The following AKAP6 variants were observed in gnomAD, a reference collection of about 807,000 sequenced individuals.
The protein encoded by AKAP6 is A-kinase anchoring protein 6, also known as A-kinase anchor protein 6.
Under a neutral mutation model 188.5 loss-of-function variants are expected in AKAP6, and 58 were observed. The observed-to-expected ratio is 0.31, with a 90% CI of 0.25 to 0.38. The LOEUF (loss-of-function observed/expected upper bound fraction) is 0.38, where lower values mean the gene tolerates loss of function less well. Among genes scored for constraint, AKAP6 ranks in the 10% least tolerant of loss-of-function variants. The pLI is 1.00. For missense variants in AKAP6, 2,710 were observed against 2,740.0 expected (o/e 0.99, Z 0.24); for synonymous variants, 989 against 998.6 (o/e 0.99, Z 0.18).
chr14:32,666,259 A>G (rs1888929575), intron 7 of AKAP6, among the ~76,000 whole-genome samples: 1 of 152,006 alleles, frequency 6.6e-6, no homozygotes, highest in Non-Finnish European at 1.5e-5. Context: ...TATGTTTGTC[A>G]TTTATCAGTG....
Position 32,546,580 on chromosome 14 carries a change from T to G in AKAP6, c.1927T>G (p.Leu643Val). ...CTCTCACCTTAAGCAGACAGAAGTA[T>G]TGGCTTTGAAGTTGGAAAACCTAAC... ...LPSHLKQTEV[L>V]ALKLENLTKL... Residue 643 changes from leucine (L) to valine (V), a missense_variant, in exon 4 of 14, where the codon TTG becomes GTG. By Grantham distance (32) the Leu-to-Val change is conservative. Transcript: ENST00000280979. The G allele has an allele frequency of 6.2e-7, 1 of 1,614,194 alleles. No individual in the cohort carries two copies. The highest frequency in any genetic ancestry group is 8.5e-7 in the Non-Finnish European group (1 of 1,180,026).
At chr14:32,719,639 C>T (rs1358735750) in intron 9 of AKAP6, among the ~76,000 whole-genome samples, 1 of 152,100 alleles carries the variant, frequency 6.6e-6, no homozygotes, top group Non-Finnish European at 1.5e-5. Flanking sequence ...TTGGCAACTG[C>T]TTTGGTTTAA....
intron 2 of AKAP6, among the ~76,000 whole-genome samples, chr14:32,531,430 C>A (rs1594715512): frequency 6.6e-6 from 1 of 152,288 alleles, no homozygotes; most frequent in Admixed American, 6.5e-5. Context: ...AATACGAAGG[C>A]AGTATGTGAT....
At chr14:32,559,171 T>C (rs1476178251) in intron 4 of AKAP6, among the ~76,000 whole-genome samples, 1 of 152,226 alleles carries the variant, frequency 6.6e-6, no homozygotes, top group Non-Finnish European at 1.5e-5. Flanking sequence ...GAGTTTGAAC[T>C]TTATTCTCTA....
intron 12 of AKAP6, among the ~76,000 whole-genome samples, chr14:32,787,879 T>A (rs539762878): frequency 1.4e-4 from 21 of 152,062 alleles, no homozygotes; most frequent in African/African-American, 4.1e-4. Context: ...CTATATGCCC[T>A]CCCTCCTGTT....
chr14:32,340,857 T>C (rs1429352309), intron 1 of AKAP6, among the ~76,000 whole-genome samples: 1 of 152,172 alleles, frequency 6.6e-6, no homozygotes, highest in Admixed American at 6.5e-5. Flanking sequence ...ATAAAGAGTC[T>C]CTCTTGGGCC....
chr14:32,537,028 G>A (rs74415155), intron 3 of AKAP6, among the ~76,000 whole-genome samples: 2,011 of 152,274 alleles, frequency 0.013, 51 homozygotes, highest in African/African-American at 0.046. Context: ...GCCTTATAAT[G>A]AGTGTTGCAT....
intron 11 of AKAP6, among the ~76,000 whole-genome samples, chr14:32,759,173 C>T (rs1009652861): frequency 1.3e-4 from 20 of 152,274 alleles, no homozygotes; most frequent in African/African-American, 4.8e-4. Flanking sequence ...AAGTTATACC[C>T]TCTACATTTA....
intron 5 of AKAP6, among the ~76,000 whole-genome samples, chr14:32,583,443 A>T (rs1482477865): frequency 6.6e-6 from 1 of 152,210 alleles, no homozygotes; most frequent in Non-Finnish European, 1.5e-5. Context: ...GTCAGGGGTC[A>T]GGGACCCATT....
intron 2 of AKAP6, among the ~76,000 whole-genome samples, chr14:32,471,138 G>A (rs997624347): frequency 6.6e-6 from 1 of 152,094 alleles, no homozygotes; most frequent in South Asian, 2.1e-4. Flanking sequence ...AATCATGGCC[G>A]ATATCCATTC....
Position 32,823,204 on chromosome 14 carries a change from C to T in AKAP6, c.5391C>T (p.Tyr1797=). The change falls in exon 13 of 14, where the codon TAC becomes TAT. Residue 1797 remains tyrosine (Y), a synonymous_variant. Coordinates refer to ENST00000280979, the MANE Select transcript of AKAP6 (RefSeq NM_004274.5). ...EDCTLMSGLD[Y]IKNELQTWIR... is the part of the protein sequence containing the mutation. ...GCACCTTGATGTCAGGGCTAGACTACATAAAGAATGAATTACAGACCTGGA... is the reference window on the plus strand; with the variant it reads ...GCACCTTGATGTCAGGGCTAGACTATATAAAGAATGAATTACAGACCTGGA... 6.2e-7 allele frequency: 1 copy of T among 1,613,636 alleles called. No homozygotes were observed.
At chr14:32,428,277 G>A (rs558158934) in intron 1 of AKAP6, among the ~76,000 whole-genome samples, 65 of 151,894 alleles carry the variant, frequency 4.3e-4, no homozygotes, top group African/African-American at 1.4e-3. Flanking sequence ...CCTTTTTCTC[G>A]GTCCACTCAT....
At position 32,770,844 on chromosome 14, in the gene AKAP6, T is replaced by C. The variant is rs148278538; in HGVS notation, c.3373-2834T>C. Among the ~76,000 whole-genome samples, 813 of 152,332 alleles carry C rather than the reference T, an allele frequency of 5.3e-3. 14 individuals are homozygous for C. Among genetic ancestry groups the C allele is most frequent in the African/African-American group, 0.019 (787 of 41,580 alleles). On this transcript the variant is annotated intron_variant, in intron 11 of 13. Transcript: ENST00000280979. Reference sequence around the variant, plus strand: ...GGGAACTTGCTCCTTTTTGAAAGCTTCATTCCTGAAACGGTGCCTAGCATA... The same window carrying C: ...GGGAACTTGCTCCTTTTTGAAAGCTCCATTCCTGAAACGGTGCCTAGCATA...
intron 2 of AKAP6, among the ~76,000 whole-genome samples, chr14:32,469,723 T>A (rs1284801085): frequency 1.4e-4 from 10 of 71,900 alleles, no homozygotes; most frequent in South Asian, 3.4e-4. Context: ...ATTTTTTTTT[T>A]TTATTATTAT....
intron 2 of AKAP6, among the ~76,000 whole-genome samples, chr14:32,515,799 G>A (rs1214142887): frequency 6.6e-6 from 1 of 151,980 alleles, no homozygotes; most frequent in Non-Finnish European, 1.5e-5. Flanking sequence ...ATTCAATATC[G>A]GTAACATCAG....
At chr14:32,770,498 C>A (rs1252732808) in intron 11 of AKAP6, among the ~76,000 whole-genome samples, 3 of 152,108 alleles carry the variant, frequency 2.0e-5, no homozygotes, top group African/African-American at 7.2e-5. Context: ...TTAAAAATGG[C>A]AATAATGAAA....
At chr14:32,455,782 A>G (rs1891127838) in intron 2 of AKAP6, among the ~76,000 whole-genome samples, 1 of 152,086 alleles carries the variant, frequency 6.6e-6, no homozygotes, top group African/African-American at 2.4e-5. Flanking sequence ...ATCTGTTTTT[A>G]TCAGTTCTGT....
intron 9 of AKAP6, among the ~76,000 whole-genome samples, chr14:32,728,636 A>G (rs1174236900): frequency 6.6e-6 from 1 of 152,196 alleles, no homozygotes; most frequent in East Asian, 1.9e-4. Flanking sequence ...CCCTATTCTA[A>G]TAATCAAGAA....
At chr14:32,746,509 T>TG (rs2031916725) in intron 11 of AKAP6, among the ~76,000 whole-genome samples, 1 of 152,148 alleles carries the variant, frequency 6.6e-6, no homozygotes, top group African/African-American at 2.4e-5. Context: ...TTTTGACTGC[T>TG]GCCCTATCCT....
Sources: allele counts gnomAD v4.1 joint callset (sites outside exome capture counted in the v4.1 genomes callset), GRCh38; gene constraint gnomAD v4.1.1; transcripts MANE v1.5; gene names NCBI Gene and HGNC (gene_info 2026-07-23, HGNC 2026-07-21).